The following DLG2 variants were observed in gnomAD, a reference collection of about 807,000 sequenced individuals.
DLG2 encodes the protein discs large MAGUK scaffold protein 2, also known as disks large homolog 2.
A neutral mutation model predicts 132.5 loss-of-function variants in DLG2; 45 were observed. The observed-to-expected ratio is 0.34, with a 90% CI of 0.27 to 0.44. The LOEUF (loss-of-function observed/expected upper bound fraction) is 0.44, where lower values mean the gene tolerates loss of function less well. Among genes scored for constraint, DLG2 ranks in the 20% least tolerant of loss-of-function variants. DLG2 has a pLI of 1.00. For missense variants in DLG2, 1,045 were observed against 1,196.9 expected (o/e 0.87, Z 1.87); for synonymous variants, 424 against 419.6 (o/e 1.01, Z -0.13).
At chr11:83,858,837 C>T (rs975658323) in intron 16 of DLG2, among the ~76,000 whole-genome samples, 5 of 152,082 alleles carry the variant, frequency 3.3e-5, no homozygotes, top group African/African-American at 9.7e-5. Context: ...TTTTTGTAAG[C>T]CCAAATTATT....
chr11:83,718,209 A>G (rs944509861), intron 18 of DLG2, among the ~76,000 whole-genome samples: 1 of 152,166 alleles, frequency 6.6e-6, no homozygotes. Flanking sequence ...GGCTTCTCAG[A>G]GCAGGACTTA....
At chr11:84,520,385 A>G (rs573707601) in intron 7 of DLG2, among the ~76,000 whole-genome samples, 2 of 152,138 alleles carry the variant, frequency 1.3e-5, no homozygotes, top group East Asian at 3.8e-4. Context: ...CCTCTCTGGA[A>G]GCACCCCAAT....
chr11:84,730,658 T>C (rs2063048049), intron 6 of DLG2, among the ~76,000 whole-genome samples: 1 of 152,032 alleles, frequency 6.6e-6, no homozygotes, highest in Non-Finnish European at 1.5e-5. Flanking sequence ...TGGCTTTATA[T>C]TGCCACTGTG....
intron 19 of DLG2, among the ~76,000 whole-genome samples, chr11:83,625,886 G>T (rs1172067242): frequency 6.6e-6 from 1 of 152,228 alleles, no homozygotes; most frequent in African/African-American, 2.4e-5. Flanking sequence ...TGCACTTGGT[G>T]TCAGCCAAGC....
rs2096702231 is a variant in DLG2 at position 83,565,973 on chromosome 11, A to G, written c.1941-24115T>C. ...CCAATGAGAGAGTTTCTGCAATAGC[A>G]ACATCATCCCTTCTGTTTCATGAAG... On this transcript the variant is annotated intron_variant, in intron 19 of 27. Coordinates refer to ENST00000376104, the MANE Select transcript of DLG2 (RefSeq NM_001142699.3). Among the ~76,000 whole-genome samples the G allele has an allele frequency of 2.6e-5, 4 of 152,194 alleles. No homozygotes were observed. The South Asian group carries it at 8.3e-4, about 31-fold the overall frequency.
At chr11:85,366,357 A>G (rs1455432488) in intron 3 of DLG2, among the ~76,000 whole-genome samples, 4 of 151,964 alleles carry the variant, frequency 2.6e-5, no homozygotes, top group African/African-American at 9.7e-5. Context: ...TCTTCTTTGC[A>G]CAATATATAT....
At chr11:83,926,507 C>T (rs1368966435) in intron 15 of DLG2, among the ~76,000 whole-genome samples, 2 of 152,064 alleles carry the variant, frequency 1.3e-5, no homozygotes, top group Non-Finnish European at 2.9e-5. Context: ...TCACCTTGCA[C>T]CTTTGTAAAA....
chr11:84,537,733 G>C (rs984645318), intron 6 of DLG2, among the ~76,000 whole-genome samples: 1 of 152,100 alleles, frequency 6.6e-6, no homozygotes, highest in Admixed American at 6.5e-5. Context: ...GACCACATTG[G>C]TATTGTTTAT....
chr11:84,184,152 C>T (rs2096219673), intron 8 of DLG2, among the ~76,000 whole-genome samples: 1 of 152,230 alleles, frequency 6.6e-6, no homozygotes, highest in Admixed American at 6.5e-5. Flanking sequence ...AATCGCCACA[C>T]TGACTTCCAC....
chr11:84,699,879 AAGTGCATGACCTG>A (rs929772297), intron 6 of DLG2, among the ~76,000 whole-genome samples: 2 of 151,622 alleles, frequency 1.3e-5, no homozygotes, highest in African/African-American at 4.8e-5. Context: ...ATGTTTGGGA[AAGTGCATGACCTG>A]AGTCTCAACA....
chr11:84,778,473 T>C (rs956351380), intron 6 of DLG2, among the ~76,000 whole-genome samples: 2 of 152,202 alleles, frequency 1.3e-5, no homozygotes, highest in African/African-American at 2.4e-5. Context: ...AATTGCTTTT[T>C]CTAATTCTGT....
At chr11:85,253,671 G>C (rs900096573) in intron 4 of DLG2, among the ~76,000 whole-genome samples, 7 of 152,110 alleles carry the variant, frequency 4.6e-5, no homozygotes, top group Non-Finnish European at 4.4e-5. Flanking sequence ...GGGTCAGTGT[G>C]ACAGCATTTT....
chr11:85,456,067 T>C (rs2092412204), intron 3 of DLG2, among the ~76,000 whole-genome samples: 1 of 152,228 alleles, frequency 6.6e-6, no homozygotes, highest in African/African-American at 2.4e-5. Context: ...CTCTTCTTTA[T>C]ACAACTAGTT....
chr11:83,516,411 T>C (rs1330255362), intron 21 of DLG2, among the ~76,000 whole-genome samples: 1 of 152,200 alleles, frequency 6.6e-6, no homozygotes. Context: ...TTTGAGCCTA[T>C]GTGTGTCTCT....
chr11:85,110,165 T>G lies in DLG2; in HGVS notation c.357+1496A>C, dbSNP rs570433541. 1.3e-5 allele frequency among the ~76,000 whole-genome samples: 2 copies of G among 152,150 alleles called. 1 individual carries two copies. The highest frequency in any genetic ancestry group is 4.1e-4 in the South Asian group (2 of 4,824). On this transcript the variant is annotated intron_variant, in intron 6 of 27. Coordinates refer to ENST00000376104, the MANE Select transcript of DLG2 (RefSeq NM_001142699.3). Reference sequence around the variant, plus strand: ...TACAATAAAAGAAGTGTTCTATTTATGAACAAATAATAGAATTATTAAAAC... The same window carrying G: ...TACAATAAAAGAAGTGTTCTATTTAGGAACAAATAATAGAATTATTAAAAC...
intron 3 of DLG2, among the ~76,000 whole-genome samples, chr11:85,439,092 T>C (rs2091642119): frequency 6.6e-6 from 1 of 152,256 alleles, no homozygotes; most frequent in African/African-American, 2.4e-5. Flanking sequence ...GTTCACCTAC[T>C]GAATGAGCTG....
intron 5 of DLG2, among the ~76,000 whole-genome samples, chr11:85,145,400 T>TA (rs2076773958): frequency 6.6e-6 from 1 of 152,204 alleles, no homozygotes; most frequent in South Asian, 2.1e-4. Context: ...ATTATTTCTT[T>TA]AAATAAACTT....
chr11:85,039,519 C>A (rs1030615448), intron 6 of DLG2, among the ~76,000 whole-genome samples: 2 of 151,884 alleles, frequency 1.3e-5, no homozygotes, highest in South Asian at 2.1e-4. Context: ...GTTTCCTCAT[C>A]TGTACAAGGA....
intron 3 of DLG2, among the ~76,000 whole-genome samples, chr11:85,408,448 T>A (rs915193521): frequency 6.6e-6 from 1 of 151,394 alleles, no homozygotes; most frequent in South Asian, 2.1e-4. Context: ...CACAATGTGC[T>A]GGTTAGTTAC....
Sources: gnomAD v4.1 joint callset for allele counts (sites outside exome capture counted in the v4.1 genomes callset) on GRCh38, gnomAD v4.1.1 for gene constraint, MANE v1.5 for transcripts, NCBI Gene and HGNC (gene_info 2026-07-23, HGNC 2026-07-21) for gene names.